The following DPF3 variants were observed in gnomAD, a reference collection of about 807,000 sequenced individuals.
DPF3 encodes zinc finger protein DPF3.
Under a neutral mutation model 56.8 loss-of-function variants are expected in DPF3, and 18 were observed. The observed-to-expected ratio is 0.32, with a 90% CI of 0.22 to 0.47. The LOEUF is 0.47. DPF3 is among the 20% of genes least tolerant of loss of function. DPF3 has a pLI of 1.00. For synonymous variants in DPF3, 188 were observed against 180.2 expected, an observed-to-expected ratio of 1.04 and a Z score of -0.35; for missense variants, 403 against 488.8, an observed-to-expected ratio of 0.82 and a Z score of 1.65.
rs1599385555 is a variant in DPF3 at position 72,723,581 on chromosome 14, G to T, written c.525+52C>A. The T allele has an allele frequency of 8.2e-6, 12 of 1,467,044 alleles. No individual in the cohort carries two copies. In the East Asian group the frequency reaches 1.5e-4, roughly 18 times the overall value. 90.9% of individuals were successfully genotyped at this position (1,467,044 alleles called of 1,614,324 possible). On this transcript the variant is annotated intron_variant, in intron 5 of 10. Coordinates refer to ENST00000556509, the MANE Select transcript of DPF3 (RefSeq NM_001280542.3). ...TGCAGTGGAGATCAATCGTTGGCCGGGCACCCCAGCCTCCCTCATCTCTTT... is the reference window on the plus strand; with the variant it reads ...TGCAGTGGAGATCAATCGTTGGCCGTGCACCCCAGCCTCCCTCATCTCTTT...
At chr14:72,740,747 C>G (rs1002651867) in intron 3 of DPF3, among the ~76,000 whole-genome samples, 1 of 152,228 alleles carries the variant, frequency 6.6e-6, no homozygotes, top group Admixed American at 6.5e-5. Context: ...GTAGTAAAAG[C>G]AGAGAGGAGG....
intron 8 of DPF3, chr14:72,661,113 G>A: frequency 1.0e-6 from 1 of 985,274 alleles, no homozygotes; most frequent in Non-Finnish European, 1.2e-6. Flanking sequence ...CCTACATTAT[G>A]CAAACCTTTA....
chr14:72,717,631 C>T (rs75542438), intron 5 of DPF3, among the ~76,000 whole-genome samples: 9,122 of 152,290 alleles, frequency 0.06, 427 homozygotes, highest in South Asian at 0.21. Flanking sequence ...TAGCACATAG[C>T]GTGCAAAGCT....
At chr14:72,892,134 G>A (rs1345432387) in intron 1 of DPF3, 1 of 1,531,014 alleles carries the variant, frequency 6.5e-7, no homozygotes, top group Admixed American at 2.0e-5. Context: ...GGCTTTCCCA[G>A]GAGGAAACAA....
chr14:72,792,194 G>A (rs1484332690), intron 1 of DPF3, among the ~76,000 whole-genome samples: 3 of 150,018 alleles, frequency 2.0e-5, no homozygotes, highest in Non-Finnish European at 4.4e-5. Flanking sequence ...AAGCCTGCAA[G>A]CACAGACCCC....
At chr14:72,751,965 A>G (rs1321406593) in intron 3 of DPF3, among the ~76,000 whole-genome samples, 1 of 152,202 alleles carries the variant, frequency 6.6e-6, no homozygotes, top group Non-Finnish European at 1.5e-5. Flanking sequence ...GGGAGAGAGC[A>G]CATTGAAGAA....
chr14:72,786,627 A>C (rs1289798446), intron 1 of DPF3, among the ~76,000 whole-genome samples: 1 of 152,198 alleles, frequency 6.6e-6, no homozygotes, highest in Non-Finnish European at 1.5e-5. Flanking sequence ...TTTTTAACAT[A>C]AGCCTTGAAT....
chr14:72,891,176 T>C (rs943728764), intron 1 of DPF3, among the ~76,000 whole-genome samples: 3 of 152,218 alleles, frequency 2.0e-5, no homozygotes, highest in Non-Finnish European at 4.4e-5. Context: ...ATACTCAGCG[T>C]AGGCAGAGCC....
chr14:72,742,845 C>G (rs1890182756), intron 3 of DPF3: 1 of 152,288 alleles, frequency 6.6e-6, no homozygotes, highest in African/African-American at 2.4e-5. Context: ...GCAGCAGGGA[C>G]AGCACCCTGG....
chr14:72,887,425 G>C (rs759965268), intron 1 of DPF3, among the ~76,000 whole-genome samples: 1 of 152,264 alleles, frequency 6.6e-6, no homozygotes, highest in Admixed American at 6.5e-5. Flanking sequence ...CTTGAGAAGG[G>C]ATAGGAAGTT....
intron 1 of DPF3, among the ~76,000 whole-genome samples, chr14:72,891,821 G>A (rs1886764147): frequency 1.3e-5 from 2 of 152,034 alleles, no homozygotes; most frequent in South Asian, 2.1e-4. Flanking sequence ...AAGCAAGCAG[G>A]GGCGTTGTGT....
At chr14:72,892,138 G>C in intron 1 of DPF3, 1 of 1,531,686 alleles carries the variant, frequency 6.5e-7, no homozygotes, top group Non-Finnish European at 8.7e-7. Flanking sequence ...TTCCCAGGAG[G>C]AAACAAACCT....
chr14:72,796,722 C>A (rs1192318258), intron 1 of DPF3, among the ~76,000 whole-genome samples: 1 of 152,114 alleles, frequency 6.6e-6, no homozygotes, highest in Non-Finnish European at 1.5e-5. Context: ...GAAAGTAGAC[C>A]TCTTGGGGCC....
intron 1 of DPF3, chr14:72,879,705 C>G (rs749941031): frequency 1.9e-5 from 27 of 1,402,550 alleles, no homozygotes; most frequent in Non-Finnish European, 2.4e-5. Context: ...GCTCAGACAC[C>G]AGGGGAATGT....
At chr14:72,782,868 T>G (rs12432148) in intron 1 of DPF3, among the ~76,000 whole-genome samples, 12,440 of 151,478 alleles carry the variant, frequency 0.082, 773 homozygotes, top group South Asian at 0.21. Flanking sequence ...GGCCATGGCA[T>G]TCTCTCCTAC....
chr14:72,657,948 A>C (rs191273960), intron 8 of DPF3, among the ~76,000 whole-genome samples: 4 of 152,296 alleles, frequency 2.6e-5, no homozygotes, highest in Admixed American at 2.6e-4. Context: ...CCTCCTCTCC[A>C]ACCCAACAAA....
chr14:72,619,303 C>A lies in DPF3; in HGVS notation c.1131G>T (p.Gln377His). 1 of 1,536,086 alleles carries A rather than the reference C, an allele frequency of 6.5e-7. No individual in the cohort carries two copies. Among genetic ancestry groups the A allele is most frequent in the Non-Finnish European group, 8.7e-7 (1 of 1,146,880 alleles). The change falls in exon 11 of 11, where the codon CAG (glutamine) becomes CAT (histidine). Residue 377 changes from glutamine to histidine, a missense_variant. By Grantham distance (24) the Gln-to-His change is conservative (BLOSUM62 0). Coordinates refer to ENST00000556509, the MANE Select transcript of DPF3 (RefSeq NM_001280542.3). ...LKEKASAFGCQA is the reference protein window; with the variant it reads ...LKEKASAFGCHA ...CATTCTGTGACCTGGGGCCCTAGGC[C>A]TGGCAGCCAAAGGCTGAGGCTTTCT...
At chr14:72,883,665 C>A (rs1405232722) in intron 1 of DPF3, among the ~76,000 whole-genome samples, 1 of 152,172 alleles carries the variant, frequency 6.6e-6, no homozygotes, top group African/African-American at 2.4e-5. Context: ...TGGTGGCTTA[C>A]GCCTGTAATC....
At chr14:72,873,636 C>A (rs573141443) in intron 1 of DPF3, among the ~76,000 whole-genome samples, 1 of 152,032 alleles carries the variant, frequency 6.6e-6, no homozygotes, top group Non-Finnish European at 1.5e-5. Flanking sequence ...ATGTTTATTG[C>A]GGCACTATTC....
Sources: gnomAD v4.1 joint callset for allele counts (sites outside exome capture counted in the v4.1 genomes callset) on GRCh38, gnomAD v4.1.1 for gene constraint, MANE v1.5 for transcripts, NCBI Gene and HGNC (gene_info 2026-07-23, HGNC 2026-07-21) for gene names.